CCDC146: variants seen among roughly 807,000 people sequenced by gnomAD.
CCDC146 encodes the protein coiled-coil domain containing 146.
CCDC146 carries 92 observed loss-of-function variants against 119.3 expected under a neutral mutation model. That is an observed-to-expected ratio of 0.77 (90% CI 0.65 to 0.92). The LOEUF (loss-of-function observed/expected upper bound fraction) is 0.92. Ranked by LOEUF, CCDC146 falls within the 40% of genes least tolerant of loss-of-function variation. The pLI is 0.00. For missense variants in CCDC146, 1,000 were observed against 1,103.0 expected, an observed-to-expected ratio of 0.91 and a Z score of 1.32; for synonymous variants, 372 against 371.8, an observed-to-expected ratio of 1.00 and a Z score of -0.01.
rs1405372355 is a variant in CCDC146 at position 77,259,071 on chromosome 7, A to T, written c.758+3A>T. 2.6e-6 allele frequency: 4 copies of T among 1,565,720 alleles called. No individual in the cohort carries two copies. In the East Asian group the frequency reaches 9.0e-5, roughly 35 times the overall value. ...GAAAAAATAACACGCAAAAAAGTGTATGATTTAATATTTTTACTTTGAATC... is the reference window on the plus strand; with the variant it reads ...GAAAAAATAACACGCAAAAAAGTGTTTGATTTAATATTTTTACTTTGAATC... On this transcript the variant is annotated splice_donor_region_variant and intron_variant, in intron 7 of 18. Transcript: ENST00000285871.
At chr7:77,179,176 C>G (rs1475804626) in intron 2 of CCDC146, among the ~76,000 whole-genome samples, 1 of 151,822 alleles carries the variant, frequency 6.6e-6, no homozygotes, top group Non-Finnish European at 1.5e-5. Context: ...GAGATGCAAG[C>G]CAGACTGGGA....
At chr7:77,223,666 AG>A (rs1792448522) in intron 2 of CCDC146, among the ~76,000 whole-genome samples, 2 of 152,258 alleles carry the variant, frequency 1.3e-5, no homozygotes, top group Non-Finnish European at 2.9e-5. Context: ...TTGCAGTGGA[AG>A]TGAGTGAATA....
intron 2 of CCDC146, among the ~76,000 whole-genome samples, chr7:77,203,413 A>C (rs1233483429): frequency 6.6e-6 from 1 of 151,572 alleles, no homozygotes. Context: ...GTGGTGGCAC[A>C]TCTAGGTATG....
At chr7:77,244,545 A>T (rs1409566875) in intron 4 of CCDC146, among the ~76,000 whole-genome samples, 1 of 152,166 alleles carries the variant, frequency 6.6e-6, no homozygotes, top group African/African-American at 2.4e-5. Context: ...ACAAACACTT[A>T]TTGTGTTACA....
intron 1 of CCDC146, among the ~76,000 whole-genome samples, chr7:77,125,458 T>C (rs1194864871): frequency 6.6e-6 from 1 of 151,818 alleles, no homozygotes; most frequent in East Asian, 1.9e-4. Flanking sequence ...TAAGCAGTGA[T>C]ATGATGAGTG....
At chr7:77,208,400 G>A (rs1368795328) in intron 2 of CCDC146, among the ~76,000 whole-genome samples, 2 of 152,052 alleles carry the variant, frequency 1.3e-5, no homozygotes, top group African/African-American at 4.8e-5. Context: ...TTGCTCCTAG[G>A]CTACAAATCT....
At chr7:77,246,108 G>A (rs1465416033) in intron 4 of CCDC146, among the ~76,000 whole-genome samples, 4 of 151,038 alleles carry the variant, frequency 2.6e-5, no homozygotes, top group Non-Finnish European at 5.9e-5. Context: ...TTAGAGGACC[G>A]TGGGTTCCAA....
chr7:77,189,561 A>T (rs1791727199), intron 2 of CCDC146, among the ~76,000 whole-genome samples: 1 of 152,058 alleles, frequency 6.6e-6, no homozygotes, highest in Non-Finnish European at 1.5e-5. Context: ...TACGGCTCTT[A>T]TCTACTCAGT....
chr7:77,250,484 T>C (rs1793036435), intron 4 of CCDC146, among the ~76,000 whole-genome samples: 1 of 152,220 alleles, frequency 6.6e-6, no homozygotes. Flanking sequence ...CTCTCAACAC[T>C]TTAAATATTT....
chr7:77,197,509 C>T (rs1791896857), intron 2 of CCDC146, among the ~76,000 whole-genome samples: 1 of 152,202 alleles, frequency 6.6e-6, no homozygotes, highest in East Asian at 1.9e-4. Flanking sequence ...ATCATTGCAT[C>T]CCTTGGTCCT....
At chr7:77,189,924 C>T (rs189165377) in intron 2 of CCDC146, among the ~76,000 whole-genome samples, 2 of 152,146 alleles carry the variant, frequency 1.3e-5, no homozygotes, top group African/African-American at 2.4e-5. Context: ...TACTCCCTTA[C>T]TCTCCTTAAT....
chr7:77,131,084 T>C (rs1780366723), intron 1 of CCDC146, among the ~76,000 whole-genome samples: 4 of 152,110 alleles, frequency 2.6e-5, no homozygotes, highest in Admixed American at 2.6e-4. Flanking sequence ...GGTTTCACCA[T>C]GTCGGCCAGG....
intron 2 of CCDC146, among the ~76,000 whole-genome samples, chr7:77,226,765 AC>A (rs1792522716): frequency 1.3e-5 from 2 of 152,210 alleles, no homozygotes; most frequent in Non-Finnish European, 1.5e-5. Context: ...AACATGACAA[AC>A]TTGAGTTCTG....
intron 6 of CCDC146, among the ~76,000 whole-genome samples, 183 bp downstream of exon 6, chr7:77,256,692 G>T (rs1417285505): frequency 6.6e-6 from 1 of 152,204 alleles, no homozygotes; most frequent in Non-Finnish European, 1.5e-5. Flanking sequence ...AGACCTTAGG[G>T]TGTTTGGGAG....
rs554800352 is a variant in CCDC146, at chr7:77,261,607, AGCT to A, written c.987-512_987-510del. Among the ~76,000 whole-genome samples, 86 of 152,082 alleles carry A rather than the reference AGCT, an allele frequency of 5.7e-4. 1 individual carries two copies. In the South Asian group the frequency reaches 0.018, roughly 31 times the overall value. On this transcript the variant is annotated intron_variant, in intron 8 of 18. Transcript: ENST00000285871. ...ATTCTCCTGCCTCAGCCTCCCGAGT[AGCT>A]GGGACTACAGGCGCCCGCCACCGCG...
At chr7:77,167,417 C>T (rs577702662) in intron 1 of CCDC146, among the ~76,000 whole-genome samples, 35 of 151,552 alleles carry the variant, frequency 2.3e-4, no homozygotes, top group Non-Finnish European at 4.3e-4. Flanking sequence ...TTTTATTTTC[C>T]AATTAATGCA....
chr7:77,221,047 C>A (rs1355505656), intron 2 of CCDC146, among the ~76,000 whole-genome samples: 1 of 152,170 alleles, frequency 6.6e-6, no homozygotes, highest in Non-Finnish European at 1.5e-5. Context: ...CAGGCAGGAA[C>A]ACAAGCAAGA....
intron 15 of CCDC146, among the ~76,000 whole-genome samples, chr7:77,285,061 A>G (rs1793825569): frequency 1.3e-5 from 2 of 151,830 alleles, no homozygotes; most frequent in Non-Finnish European, 2.9e-5. Flanking sequence ...TCGGTCGTCC[A>G]TAACAGTTTT....
At chr7:77,278,279 G>A (rs1793689284) in intron 11 of CCDC146, among the ~76,000 whole-genome samples, 1 of 152,088 alleles carries the variant, frequency 6.6e-6, no homozygotes, top group Non-Finnish European at 1.5e-5. Flanking sequence ...AAGCCATGCA[G>A]GCTCTTTGCG....
Sources: allele counts gnomAD v4.1 joint callset (sites outside exome capture counted in the v4.1 genomes callset), GRCh38; gene constraint gnomAD v4.1.1; transcripts MANE v1.5; gene names NCBI Gene and HGNC (gene_info 2026-07-23, HGNC 2026-07-21).